Variants in PKHD1 observed in about 807,000 individuals in gnomAD.
PKHD1 encodes fibrocystin.
In PKHD1, 291 loss-of-function variants were observed where a neutral mutation model predicts 412.0. That is an observed-to-expected ratio of 0.71 (90% CI 0.64 to 0.78). The LOEUF is 0.78. PKHD1 is among the 30% of genes least tolerant of loss of function. The probability of loss-of-function intolerance (pLI) is 0.00; values close to 1 mark genes in which losing one functional copy is unlikely to be tolerated. For missense variants in PKHD1, 4,825 were observed against 4,950.7 expected, an observed-to-expected ratio of 0.97 and a Z score of 0.76; for synonymous variants, 1,777 against 1,821.5, an observed-to-expected ratio of 0.98 and a Z score of 0.62.
In PKHD1 at chr6:52,046,078, G is replaced by C. The variant is rs546401927; in HGVS notation, c.2518C>G (p.Leu840Val). ...CACACGTGTTCGTAGCAAGTGTATA[G>C]ATCCTCCTTCACAGTGAAGTCACTG... ...NASDFTVKED[L>V]YTCYEHVWTL... Residue 840 changes from leucine to valine, a missense_variant, in exon 24 of 67, where the codon CTA (leucine) becomes GTA (valine). Coordinates refer to ENST00000371117, the MANE Select transcript of PKHD1 (RefSeq NM_138694.4). 2.5e-6 allele frequency: 4 copies of C among 1,613,646 alleles called. No homozygotes were observed. The East Asian group carries it at 6.7e-5, about 27-fold the overall frequency.
intron 36 of PKHD1, among the ~76,000 whole-genome samples, chr6:51,950,782 C>T (rs1163480153): frequency 6.6e-6 from 1 of 152,070 alleles, no homozygotes; most frequent in Admixed American, 6.5e-5. Flanking sequence ...GAATAATTCC[C>T]TTAGTCACTC....
chr6:51,853,943 C>A (rs894464826), intron 49 of PKHD1, among the ~76,000 whole-genome samples: 1 of 152,192 alleles, frequency 6.6e-6, no homozygotes, highest in African/African-American at 2.4e-5. Flanking sequence ...GATCCTCCAT[C>A]CAGTTCTGTG....
rs1248035354 is a variant in PKHD1 at position 51,981,988 on chromosome 6, G to A, written c.5752-21962C>T. ...CCCCGCCGCCCTGTCTGGGATGTGA[G>A]GAGCGCCTCTGCTGGCCGCAACCCC... On this transcript the variant is annotated intron_variant, in intron 35 of 66. Coordinates refer to ENST00000371117, the MANE Select transcript of PKHD1 (RefSeq NM_138694.4). Among the ~76,000 whole-genome samples, 7 of 75,898 alleles carry A rather than the reference G, an allele frequency of 9.2e-5. No homozygotes were observed. The Admixed American group carries it at 1.0e-3, about 11-fold the overall frequency. 49.8% of individuals were successfully genotyped at this position (75,898 alleles called of 152,430 possible).
chr6:51,901,437 G>A (rs995035507), intron 43 of PKHD1, among the ~76,000 whole-genome samples: 94 of 151,636 alleles, frequency 6.2e-4, no homozygotes, highest in African/African-American at 2.1e-3. Context: ...ACCAAACACC[G>A]CATATTCTCA....
chr6:52,078,976 T>C (rs952768231), intron 5 of PKHD1, among the ~76,000 whole-genome samples: 4 of 152,218 alleles, frequency 2.6e-5, no homozygotes, highest in African/African-American at 7.2e-5. Flanking sequence ...ATAGCCTATA[T>C]GAAACACGGA....
Position 52,043,060 on chromosome 6 carries a change from C to T in PKHD1, c.2896G>A (p.Val966Met), listed in dbSNP as rs772249481. Residue 966 changes from valine to methionine, a missense_variant, in exon 27 of 67, where the codon GTG becomes ATG. Transcript: ENST00000371117. ...SGDSQFLQVTVNKTSCKVIFS... is the reference protein window; with the variant it reads ...SGDSQFLQVTMNKTSCKVIFS... ...ATAACTTTGCAACTCGTTTTGTTCA[C>T]TGTAACCTGCAAGAACTGGGAGTCA... The T allele has an allele frequency of 6.2e-7, 1 of 1,613,930 alleles. No individual in the cohort carries two copies. The highest frequency in any genetic ancestry group is 2.2e-5 in the East Asian group (1 of 44,884).
intron 60 of PKHD1, among the ~76,000 whole-genome samples, chr6:51,693,321 T>C (rs994545351): frequency 6.6e-6 from 1 of 152,212 alleles, no homozygotes; most frequent in African/African-American, 2.4e-5. Context: ...ATACTTACTA[T>C]CTACTACTTA....
intron 28 of PKHD1, among the ~76,000 whole-genome samples, chr6:52,033,550 T>C (rs1187477082): frequency 6.6e-6 from 1 of 151,854 alleles, no homozygotes. Context: ...CTTTCAGACA[T>C]GTGAGAACTC....
chr6:51,664,679 C>T (rs1428616255), intron 60 of PKHD1, among the ~76,000 whole-genome samples: 2 of 152,130 alleles, frequency 1.3e-5, no homozygotes, highest in Non-Finnish European at 2.9e-5. Context: ...AGATCAAATG[C>T]CAGGCTTCTC....
At chr6:51,739,751 A>G (rs1014386627) in intron 60 of PKHD1, among the ~76,000 whole-genome samples, 7 of 152,282 alleles carry the variant, frequency 4.6e-5, no homozygotes, top group African/African-American at 1.7e-4. Context: ...AAAGGTGCTC[A>G]TGCAATGCTA....
chr6:51,630,604 T>C (rs1310332284), intron 65 of PKHD1, among the ~76,000 whole-genome samples: 2 of 152,182 alleles, frequency 1.3e-5, no homozygotes, highest in African/African-American at 2.4e-5. Flanking sequence ...TCAACAATTA[T>C]TGAAAGCATA....
intron 55 of PKHD1, among the ~76,000 whole-genome samples, chr6:51,761,950 A>C (rs1788089261): frequency 6.6e-6 from 1 of 152,012 alleles, no homozygotes; most frequent in African/African-American, 2.4e-5. Flanking sequence ...AAAATTTAAG[A>C]GTGATCTTTG....
intron 37 of PKHD1, among the ~76,000 whole-genome samples, chr6:51,915,980 G>A (rs1013821233): frequency 6.6e-6 from 1 of 152,116 alleles, no homozygotes; most frequent in African/African-American, 2.4e-5. Flanking sequence ...AGGCTGAGCA[G>A]GCTCAGGGAA....
intron 60 of PKHD1, among the ~76,000 whole-genome samples, chr6:51,671,243 G>A (rs9382001): frequency 0.5 from 75,405 of 151,508 alleles, 21,528 homozygotes; most frequent in Non-Finnish European, 0.65. Flanking sequence ...GGCTTTGCTC[G>A]TTTCTTTTTA....
At chr6:51,691,798 G>A (rs1032055552) in intron 60 of PKHD1, among the ~76,000 whole-genome samples, 2 of 152,106 alleles carry the variant, frequency 1.3e-5, no homozygotes, top group Admixed American at 1.3e-4. Context: ...TTGTACCCCT[G>A]AGCTTAAAAG....
Position 52,055,624 on chromosome 6 carries a change from G to A in PKHD1, c.1799C>T (p.Ala600Val). 6.2e-7 allele frequency: 1 copy of A among 1,614,018 alleles called. No homozygotes were observed. Among genetic ancestry groups the A allele is most frequent in the Non-Finnish European group, 8.5e-7 (1 of 1,179,904 alleles). The change falls in exon 19 of 67, where the codon GCT becomes GTT. Residue 600 changes from alanine (A) to valine (V), a missense_variant. Transcript: ENST00000371117. ...QPRHLVLTPP[A>V]AQKGYRLDQY... is the part of the protein sequence containing the mutation. ...ATCTAGCCGATAGCCCTTCTGGGCA[G>A]CCGGGGGAGTAAGGACAAGGTGTCG... is the stretch of plus-strand genomic sequence containing the variant.
At chr6:51,860,479 A>C (rs1377193011) in intron 48 of PKHD1, among the ~76,000 whole-genome samples, 1 of 152,204 alleles carries the variant, frequency 6.6e-6, no homozygotes, top group Non-Finnish European at 1.5e-5. Context: ...CCATGCCCTA[A>C]ATAGCCACCA....
chr6:52,027,688 A>G (rs1395023937), intron 31 of PKHD1, 141 bp downstream of exon 31: 1 of 701,500 alleles, frequency 1.4e-6, no homozygotes, highest in African/African-American at 1.8e-5. Context: ...AACACCCCTC[A>G]GTTCCTGGAG....
chr6:51,881,075 C>CTTTTTTTTTTTTTTT (rs371470393), intron 46 of PKHD1, among the ~76,000 whole-genome samples: 1 of 134,066 alleles, frequency 7.5e-6, no homozygotes, highest in African/African-American at 2.7e-5. Context: ...CTTTTTCTTT[C>CTTTTTTTTTTTTTTT]TTTTTTTTTT....
Sources: gnomAD v4.1 joint callset for allele counts (sites outside exome capture counted in the v4.1 genomes callset) on GRCh38, gnomAD v4.1.1 for gene constraint, MANE v1.5 for transcripts, NCBI Gene and HGNC (gene_info 2026-07-23, HGNC 2026-07-21) for gene names.